DGKB: variants seen among roughly 807,000 people sequenced by gnomAD.
The protein encoded by DGKB is 90 kDa diacylglycerol kinase.
A neutral mutation model predicts 114.3 loss-of-function variants in DGKB; 67 were observed. The ratio of observed to expected loss-of-function variants is 0.59; its 90% CI spans 0.48 to 0.72. The LOEUF (loss-of-function observed/expected upper bound fraction) is 0.72, where lower values mean the gene tolerates loss of function less well. Among genes scored for constraint, DGKB ranks in the 30% least tolerant of loss-of-function variants. The pLI is 0.00. For synonymous variants in DGKB, 398 were observed against 323.1 expected, an observed-to-expected ratio of 1.23 and a Z score of -2.49; for missense variants, 907 against 975.2, an observed-to-expected ratio of 0.93 and a Z score of 0.93.
rs557858198 is a variant in DGKB at position 14,758,934 on chromosome 7, T to C, written c.71-1203A>G. Among the ~76,000 whole-genome samples, 76 of 140,956 alleles carry C rather than the reference T, an allele frequency of 5.4e-4. 1 individual carries two copies. The South Asian group carries it at 0.015, about 28-fold the overall frequency. 92.5% of individuals were successfully genotyped at this position (140,956 alleles called of 152,430 possible). ...ATAGATAGATAGATAGATAGATAGA[T>C]ACATAGATAGATAGAGTTTCGCTCT... On this transcript the variant is annotated intron_variant, in intron 2 of 25. Coordinates refer to ENST00000402815, the MANE Select transcript of DGKB (RefSeq NM_001350709.2).
chr7:14,157,786 C>A (rs1392151670), intron 25 of DGKB, among the ~76,000 whole-genome samples: 2 of 152,076 alleles, frequency 1.3e-5, no homozygotes, highest in African/African-American at 2.4e-5. Context: ...AATTTTAAAC[C>A]AGTAACTGTT....
chr7:14,806,142 C>G (rs1278999733), intron 2 of DGKB, among the ~76,000 whole-genome samples: 1 of 151,844 alleles, frequency 6.6e-6, no homozygotes, highest in African/African-American at 2.4e-5. Context: ...TGCAGAGAAG[C>G]TTAGTTTCTA....
intron 23 of DGKB, among the ~76,000 whole-genome samples, chr7:14,307,092 C>T (rs945832437): frequency 1.6e-5 from 2 of 128,162 alleles, no homozygotes; most frequent in East Asian, 5.0e-4. Context: ...TCTTTTCCAC[C>T]TTATTTCTAT....
At chr7:14,595,698 A>G (rs954434342) in intron 17 of DGKB, among the ~76,000 whole-genome samples, 3 of 151,812 alleles carry the variant, frequency 2.0e-5, no homozygotes, top group African/African-American at 7.2e-5. Context: ...ATTTCAAATA[A>G]CATAGTTTTA....
intron 1 of DGKB, among the ~76,000 whole-genome samples, chr7:14,926,760 TATTA>T (rs1483371030): frequency 6.6e-6 from 1 of 151,992 alleles, no homozygotes; most frequent in Non-Finnish European, 1.5e-5. Context: ...GTGAATCTGG[TATTA>T]ATTATTTCTT....
chr7:14,382,289 A>ATT (rs776314884), intron 21 of DGKB, among the ~76,000 whole-genome samples: 44 of 143,468 alleles, frequency 3.1e-4, no homozygotes, highest in Admixed American at 1.2e-3. Flanking sequence ...AAACAGTGGC[A>ATT]ATTTTTTTTT....
intron 2 of DGKB, among the ~76,000 whole-genome samples, chr7:14,800,773 A>G (rs958439180): frequency 6.6e-6 from 1 of 152,180 alleles, no homozygotes; most frequent in African/African-American, 2.4e-5. Flanking sequence ...ATCAACAGGC[A>G]AAGAATTGAG....
chr7:14,792,466 A>C (rs7796443), intron 2 of DGKB, among the ~76,000 whole-genome samples: 55,543 of 151,908 alleles, frequency 0.37, 11,726 homozygotes, highest in African/African-American at 0.59. Context: ...AAGTAGGTGG[A>C]CAGTGATAGG....
intron 1 of DGKB, among the ~76,000 whole-genome samples, chr7:14,885,437 G>C (rs111403047): frequency 1.8e-4 from 28 of 152,028 alleles, no homozygotes; most frequent in African/African-American, 6.7e-4. Context: ...TTCTTGGAGA[G>C]AGTGAGAATA....
intron 23 of DGKB, among the ~76,000 whole-genome samples, chr7:14,263,959 A>G (rs998848837): frequency 1.3e-5 from 2 of 152,178 alleles, no homozygotes; most frequent in South Asian, 2.1e-4. Context: ...TGGCATTTAG[A>G]AAAAAATCTT....
At chr7:14,610,476 A>C (rs193036340) in intron 16 of DGKB, among the ~76,000 whole-genome samples, 1 of 152,204 alleles carries the variant, frequency 6.6e-6, no homozygotes, top group East Asian at 1.9e-4. Context: ...AAACCTGCAC[A>C]TGTACCTCCT....
chr7:14,885,529 A>G (rs1854913001), intron 1 of DGKB, among the ~76,000 whole-genome samples: 1 of 151,712 alleles, frequency 6.6e-6, no homozygotes, highest in African/African-American at 2.4e-5. Flanking sequence ...AAGAAGGAGA[A>G]TGCAAGGAGT....
At chr7:14,579,543 C>T (rs1449686524) in intron 19 of DGKB, among the ~76,000 whole-genome samples, 1 of 152,252 alleles carries the variant, frequency 6.6e-6, no homozygotes, top group East Asian at 1.9e-4. Context: ...CTTGTATGAA[C>T]ACTGGCAAAT....
At chr7:14,673,326 C>G (rs969958307) in intron 12 of DGKB, among the ~76,000 whole-genome samples, 1 of 150,412 alleles carries the variant, frequency 6.6e-6, no homozygotes, top group Non-Finnish European at 1.5e-5. Context: ...TTGACAAACA[C>G]AAATTATTGT....
intron 22 of DGKB, among the ~76,000 whole-genome samples, chr7:14,343,199 A>ACACACAC (rs1554366272): frequency 7.5e-5 from 11 of 146,372 alleles, no homozygotes; most frequent in South Asian, 2.2e-4. Flanking sequence ...ACACACACAC[A>ACACACAC]ACAAGATATG....
intron 21 of DGKB, among the ~76,000 whole-genome samples, chr7:14,428,663 AGTATCAGAGG>A (rs752280082): frequency 2.2e-4 from 33 of 152,178 alleles, no homozygotes; most frequent in Admixed American, 4.6e-4. Flanking sequence ...TTAAGTGCAG[AGTATCAGAGG>A]TTTCCTCTAA....
chr7:14,219,651 GT>G (rs1235420871), intron 23 of DGKB, among the ~76,000 whole-genome samples: 1 of 151,658 alleles, frequency 6.6e-6, no homozygotes, highest in African/African-American at 2.4e-5. Context: ...TTGTTATTGA[GT>G]TGTATCATTA....
chr7:14,683,076 C>T (rs1412859542), intron 10 of DGKB, among the ~76,000 whole-genome samples: 2 of 152,108 alleles, frequency 1.3e-5, no homozygotes, highest in South Asian at 4.1e-4. Context: ...CATGGCATAG[C>T]AGGAAATGCT....
chr7:14,633,825 ATAAT>A (rs1435471211), intron 13 of DGKB, among the ~76,000 whole-genome samples: 4 of 151,782 alleles, frequency 2.6e-5, no homozygotes, highest in Admixed American at 2.0e-4. Flanking sequence ...CACAGTACAG[ATAAT>A]TAGTTTAAAA....
Sources: allele counts gnomAD v4.1 joint callset (sites outside exome capture counted in the v4.1 genomes callset), GRCh38; gene constraint gnomAD v4.1.1; transcripts MANE v1.5; gene names NCBI Gene and HGNC (gene_info 2026-07-23, HGNC 2026-07-21).